RGSL1: variants seen among roughly 807,000 people sequenced by gnomAD.
The protein encoded by RGSL1 is regulator of G protein signaling protein-like.
Under a neutral mutation model 124.7 loss-of-function variants are expected in RGSL1, and 97 were observed. That is an observed-to-expected ratio of 0.78 (90% CI 0.66 to 0.92). RGSL1 has a LOEUF of 0.92. Among genes scored for constraint, RGSL1 ranks in the 40% least tolerant of loss-of-function variants. The pLI is 0.00. For synonymous variants in RGSL1, 424 were observed against 438.1 expected (o/e 0.97, Z 0.40); for missense variants, 1,233 against 1,288.4 (o/e 0.96, Z 0.66).
chr1:182,527,886 C>A (rs266511), intron 11 of RGSL1, 114 bp downstream of exon 11: 486,337 of 761,112 alleles, frequency 0.64, 158,225 homozygotes, highest in Non-Finnish European at 0.68. Flanking sequence ...AGAGCAGCAG[C>A]CACATGGGGC....
At chr1:182,455,632 G>A (rs1470353353) in intron 2 of RGSL1, among the ~76,000 whole-genome samples, 1 of 152,048 alleles carries the variant, frequency 6.6e-6, no homozygotes, top group Non-Finnish European at 1.5e-5. Context: ...AGACTAGGGA[G>A]TGAATAGCAA....
At chr1:182,497,345 T>C (rs1473376337) in intron 9 of RGSL1, among the ~76,000 whole-genome samples, 2 of 148,424 alleles carry the variant, frequency 1.3e-5, no homozygotes, top group East Asian at 3.9e-4. Context: ...TATATTTTTA[T>C]ATCTCCTGAT....
intron 9 of RGSL1, among the ~76,000 whole-genome samples, chr1:182,515,101 G>A (rs1364832974): frequency 6.6e-6 from 1 of 152,178 alleles, no homozygotes; most frequent in Admixed American, 6.5e-5. Flanking sequence ...AACCATGGCA[G>A]GTGCCACCCA....
intron 8 of RGSL1, among the ~76,000 whole-genome samples, chr1:182,491,355 A>G (rs1655510960): frequency 6.6e-6 from 1 of 152,006 alleles, no homozygotes; most frequent in Non-Finnish European, 1.5e-5. Flanking sequence ...AGCTGGGATT[A>G]CAGGCACCCG....
chr1:182,509,873 C>T (rs1657254497), intron 9 of RGSL1, among the ~76,000 whole-genome samples: 11 of 141,726 alleles, frequency 7.8e-5, no homozygotes, highest in African/African-American at 3.0e-4. Flanking sequence ...ACGCTCCTCA[C>T]TTCCCAGATG....
chr1:182,527,562 G>C lies in RGSL1; in HGVS notation c.1932-17G>C, dbSNP rs1400338845. The stretch of plus-strand genomic sequence containing the variant: ...TCATTCCTTTCTCTCTACCAAAGAT[G>C]CTTTCTTGTTTTCCAGAAACTTGAC... On this transcript the variant is annotated splice_polypyrimidine_tract_variant and intron_variant, in intron 10 of 21. Transcript: ENST00000294854. 1 of 1,533,184 alleles carries C rather than the reference G, an allele frequency of 6.5e-7. No individual in the cohort carries two copies. Among genetic ancestry groups the C allele is most frequent in the Non-Finnish European group, 8.8e-7 (1 of 1,139,026 alleles). 95.0% of individuals were successfully genotyped at this position (1,533,184 alleles called of 1,614,324 possible).
At chr1:182,556,286 A>C in intron 21 of RGSL1, 64 bp downstream of exon 21, 1 of 509,428 alleles carries the variant, frequency 2.0e-6, no homozygotes, top group Non-Finnish European at 3.5e-6. Flanking sequence ...GGGTCAGGAG[A>C]CCTGGGCTCT....
At chr1:182,493,710 G>T (rs1462359600) in intron 9 of RGSL1, among the ~76,000 whole-genome samples, 3 of 152,156 alleles carry the variant, frequency 2.0e-5, no homozygotes, top group African/African-American at 7.2e-5. Context: ...ATAACCTAGG[G>T]TTTATAGCCA....
chr1:182,492,960 T>C, intron 8 of RGSL1, 62 bp from the exon 9 acceptor site: 1 of 1,135,598 alleles, frequency 8.8e-7, no homozygotes, highest in East Asian at 2.6e-5. Context: ...CAAAAGTATA[T>C]GAATCTTTGA....
chr1:182,496,306 C>T (rs1395711649), intron 9 of RGSL1, among the ~76,000 whole-genome samples: 2 of 152,260 alleles, frequency 1.3e-5, no homozygotes, highest in Middle Eastern at 3.4e-3. Flanking sequence ...CTAATAACCT[C>T]CCACCAGGCC....
Position 182,474,168 on chromosome 1 carries a change from T to C in RGSL1, c.1057T>C (p.Ser353Pro). Residue 353 changes from serine to proline, a missense_variant, in exon 6 of 22, where the codon TCC becomes CCC. Physicochemically the swap from Ser to Pro is moderately conservative, Grantham distance 74 (BLOSUM62 -1). Coordinates refer to ENST00000294854, the MANE Select transcript of RGSL1 (RefSeq NM_001137669.2). ...RTVIPIVNHSSKMTIQKAIKQ... is the reference protein window; with the variant it reads ...RTVIPIVNHSPKMTIQKAIKQ... ...TGTCATCCCCATTGTCAATCACTCCTCCAAGATGACAATTCAGAAGGCCAT... is the reference window on the plus strand; with the variant it reads ...TGTCATCCCCATTGTCAATCACTCCCCCAAGATGACAATTCAGAAGGCCAT... 1 of 1,552,042 alleles carries C rather than the reference T, an allele frequency of 6.4e-7. No homozygotes were observed. Among genetic ancestry groups the C allele is most frequent in the Non-Finnish European group, 8.7e-7 (1 of 1,147,052 alleles).
At chr1:182,477,150 C>A (rs574987819) in intron 6 of RGSL1, among the ~76,000 whole-genome samples, 2 of 152,230 alleles carry the variant, frequency 1.3e-5, no homozygotes, top group East Asian at 3.9e-4. Context: ...TTGCACCACC[C>A]CAGTGGAGTT....
upstream of RGSL1, chr1:182,450,083 C>T (rs1571441645): frequency 6.0e-6 from 9 of 1,490,722 alleles, no homozygotes; most frequent in Admixed American, 3.9e-5. Flanking sequence ...GGTGTCATTA[C>T]GTGTTCACAA....
chr1:182,518,062 CAG>C (rs1658032660), intron 9 of RGSL1, among the ~76,000 whole-genome samples: 1 of 38,014 alleles, frequency 2.6e-5, no homozygotes, highest in Admixed American at 2.1e-4. Flanking sequence ...TGTTTTGAGA[CAG>C]AGTTTTGCTC....
intron 4 of RGSL1, among the ~76,000 whole-genome samples, chr1:182,461,436 T>C (rs1652826090): frequency 6.6e-6 from 1 of 151,880 alleles, no homozygotes; most frequent in Admixed American, 6.6e-5. Context: ...AATATTCAGT[T>C]TTTAACAAAA....
chr1:182,536,541 G>A (rs1659551081), intron 14 of RGSL1, among the ~76,000 whole-genome samples: 1 of 152,084 alleles, frequency 6.6e-6, no homozygotes, highest in Non-Finnish European at 1.5e-5. Flanking sequence ...TATTTTGTCT[G>A]ATGACTAATG....
chr1:182,481,269 C>T (rs1654687582), intron 6 of RGSL1, among the ~76,000 whole-genome samples: 1 of 151,920 alleles, frequency 6.6e-6, no homozygotes, highest in Admixed American at 6.6e-5. Flanking sequence ...AAAGATGTTA[C>T]AATTTATTCT....
At chr1:182,541,213 G>A (rs1659872457) in intron 15 of RGSL1, among the ~76,000 whole-genome samples, 2 of 152,002 alleles carry the variant, frequency 1.3e-5, no homozygotes, top group Admixed American at 1.3e-4. Flanking sequence ...CTGTGTATTT[G>A]TACCTCTTGA....
At chr1:182,535,342 A>C (rs1447176329) in intron 14 of RGSL1, among the ~76,000 whole-genome samples, 3 of 152,130 alleles carry the variant, frequency 2.0e-5, no homozygotes, top group African/African-American at 7.2e-5. Flanking sequence ...CACTCCATTA[A>C]TCTTACTGAT....
Sources: allele counts gnomAD v4.1 joint callset (sites outside exome capture counted in the v4.1 genomes callset), GRCh38; gene constraint gnomAD v4.1.1; transcripts MANE v1.5; gene names NCBI Gene and HGNC (gene_info 2026-07-23, HGNC 2026-07-21).